EPM2A: variants seen among roughly 807,000 people sequenced by gnomAD.
The protein encoded by EPM2A is laforin.
Under a neutral mutation model 26.5 loss-of-function variants are expected in EPM2A, and 21 were observed. The ratio of observed to expected loss-of-function variants is 0.79; its 90% CI spans 0.56 to 1.14. The LOEUF is 1.14. Ranked by LOEUF, EPM2A falls within the 50% of genes most tolerant of loss-of-function variation. The pLI, the probability that EPM2A is intolerant of heterozygous loss-of-function variation, is 0.00. For missense variants in EPM2A, 458 were observed against 440.8 expected (o/e 1.04, Z -0.35); for synonymous variants, 217 against 177.6 (o/e 1.22, Z -1.76).
chr6:145,649,312 A>C (rs1261437320), intron 2 of EPM2A, among the ~76,000 whole-genome samples: 1 of 152,212 alleles, frequency 6.6e-6, no homozygotes, highest in Admixed American at 6.5e-5. Context: ...ATCAACTATA[A>C]AATGGGATTA....
chr6:145,685,237 G>A (rs2128613295), intron 2 of EPM2A, among the ~76,000 whole-genome samples: 1 of 152,238 alleles, frequency 6.6e-6, no homozygotes, highest in Admixed American at 6.5e-5. Flanking sequence ...GCAGGAGTTA[G>A]TAGGTGGAAA....
intron 4 of EPM2A, chr6:145,489,840 T>C: frequency 6.9e-7 from 1 of 1,448,082 alleles, no homozygotes; most frequent in South Asian, 1.1e-5. Flanking sequence ...CAGTTTGTAC[T>C]TCCACTGGCA....
At chr6:145,522,383 C>T (rs1419860058) in intron 2 of EPM2A, among the ~76,000 whole-genome samples, 1 of 152,056 alleles carries the variant, frequency 6.6e-6, no homozygotes, top group Non-Finnish European at 1.5e-5. Context: ...TCACCATTTT[C>T]CCCTAACCAT....
downstream of EPM2A, among the ~76,000 whole-genome samples, chr6:145,496,728 AT>A (rs1554244200): frequency 1.9e-3 from 198 of 106,908 alleles, 10 homozygotes; most frequent in South Asian, 9.8e-3. Flanking sequence ...AGTTCCTGCA[AT>A]TTTTTTTTTT....
intron 2 of EPM2A, among the ~76,000 whole-genome samples, chr6:145,536,992 A>C (rs1437824377): frequency 1.3e-5 from 2 of 152,158 alleles, no homozygotes; most frequent in Non-Finnish European, 2.9e-5. Flanking sequence ...GGGGCATCCT[A>C]TGTGATTGGC....
chr6:145,412,223 A>AG (rs1009871692), intron 4 of EPM2A, among the ~76,000 whole-genome samples: 2 of 151,930 alleles, frequency 1.3e-5, no homozygotes, highest in Non-Finnish European at 2.9e-5. Context: ...TCAAAAAAAA[A>AG]AAAAAAAAAA....
chr6:145,464,279 T>C (rs1242918020), intron 4 of EPM2A, among the ~76,000 whole-genome samples: 1 of 152,118 alleles, frequency 6.6e-6, no homozygotes, highest in African/African-American at 2.4e-5. Context: ...TCTGCCATGA[T>C]TGTAAGTTTT....
downstream of EPM2A, among the ~76,000 whole-genome samples, chr6:145,621,633 C>G (rs1015136443): frequency 6.7e-6 from 1 of 149,642 alleles, no homozygotes; most frequent in African/African-American, 2.5e-5. Context: ...TTTTTTACAT[C>G]CTAACAGGTG....
exon 5 of EPM2A, chr6:145,383,881 T>G (rs1458858361): frequency 6.6e-6 from 1 of 152,356 alleles, no homozygotes. Flanking sequence ...ATTGATAGCA[T>G]CCACATATCT....
chr6:145,461,357 T>C, intron 4 of EPM2A, among the ~76,000 whole-genome samples: 1 of 152,260 alleles, frequency 6.6e-6, no homozygotes, highest in Non-Finnish European at 1.5e-5. Context: ...TAACAGGCAG[T>C]TGGGAGATTT....
At chr6:145,400,327 C>T (rs1396380034) in intron 4 of EPM2A, among the ~76,000 whole-genome samples, 1 of 152,152 alleles carries the variant, frequency 6.6e-6, no homozygotes, top group East Asian at 1.9e-4. Flanking sequence ...TTAGATAAAC[C>T]TTAAAAACTG....
rs538953437 is a variant in EPM2A at position 145,416,696 on chromosome 6, G to A, written c.556-32599C>T. ...CAGAATAAGTTGTCCCATATTTCCTGAGAGAAAACTGTTTTGACTGCTTTT... is the reference window on the plus strand; with the variant it reads ...CAGAATAAGTTGTCCCATATTTCCTAAGAGAAAACTGTTTTGACTGCTTTT... On this transcript the variant is annotated intron_variant, in intron 4 of 4. Coordinates refer to the EPM2A transcript ENST00000638717. Among the ~76,000 whole-genome samples the A allele has an allele frequency of 2.0e-5, 3 of 152,224 alleles. No homozygotes were observed. In the East Asian group the frequency reaches 5.8e-4, roughly 29 times the overall value.
chr6:145,733,940 C>T lies in EPM2A; in HGVS notation c.301+1258G>A, dbSNP rs1360915476. Among the ~76,000 whole-genome samples, 7 of 152,222 alleles carry T rather than the reference C, an allele frequency of 4.6e-5. No homozygotes were observed. In the East Asian group the frequency reaches 1.4e-3, roughly 29 times the overall value. On this transcript the variant is annotated intron_variant, in intron 1 of 3. Coordinates refer to ENST00000367519, the MANE Select transcript of EPM2A (RefSeq NM_005670.4). The stretch of plus-strand genomic sequence containing the variant: ...GAGTCACACCCACTCCAGTCTACAA[C>T]CTTGCACATTTCCTTTAAAGAAAGG...
chr6:145,583,142 A>T (rs1358549267), intron 2 of EPM2A, among the ~76,000 whole-genome samples: 1 of 152,140 alleles, frequency 6.6e-6, no homozygotes, highest in Non-Finnish European at 1.5e-5. Flanking sequence ...CATCTTCTGA[A>T]TTCTATGTCC....
At chr6:145,576,741 A>C (rs1781037243) in intron 2 of EPM2A, among the ~76,000 whole-genome samples, 1 of 152,190 alleles carries the variant, frequency 6.6e-6, no homozygotes, top group Admixed American at 6.5e-5. Context: ...CAAAGATAGA[A>C]TATGTTAATA....
intron 4 of EPM2A, among the ~76,000 whole-genome samples, chr6:145,440,119 T>C (rs1378436928): frequency 2.0e-5 from 3 of 152,130 alleles, no homozygotes; most frequent in Non-Finnish European, 4.4e-5. Flanking sequence ...TACCTGAGAC[T>C]GAAAAGAAAA....
intron 2 of EPM2A, among the ~76,000 whole-genome samples, chr6:145,512,138 C>G (rs1780062698): frequency 6.6e-6 from 1 of 151,764 alleles, no homozygotes; most frequent in African/African-American, 2.4e-5. Context: ...GGAAAACATC[C>G]CAACGCTCAT....
chr6:145,539,400 G>T (rs1212175099), intron 2 of EPM2A, among the ~76,000 whole-genome samples: 1 of 152,120 alleles, frequency 6.6e-6, no homozygotes, highest in Non-Finnish European at 1.5e-5. Flanking sequence ...ATCCACCAAT[G>T]CTCAAAAAAT....
At chr6:145,583,127 C>T (rs1202565052) in intron 2 of EPM2A, among the ~76,000 whole-genome samples, 1 of 152,174 alleles carries the variant, frequency 6.6e-6, no homozygotes, top group Admixed American at 6.5e-5. Context: ...ATCTTTGTTC[C>T]TATTCATCTT....
Sources: gnomAD v4.1 joint callset for allele counts (sites outside exome capture counted in the v4.1 genomes callset) on GRCh38, gnomAD v4.1.1 for gene constraint, MANE v1.5 for transcripts, NCBI Gene and HGNC (gene_info 2026-07-23, HGNC 2026-07-21) for gene names.